FBXL17: variants seen among roughly 807,000 people sequenced by gnomAD.
The protein encoded by FBXL17 is F-box/LRR-repeat protein 17.
Under a neutral mutation model 66.2 loss-of-function variants are expected in FBXL17, and 22 were observed. That is an observed-to-expected ratio of 0.33 (90% confidence interval 0.24 to 0.47). The LOEUF is 0.47. Among genes scored for constraint, FBXL17 ranks in the 20% least tolerant of loss-of-function variants. FBXL17 has a pLI of 1.00. For missense variants in FBXL17, 878 were observed against 948.2 expected (o/e 0.93, Z 0.97); for synonymous variants, 474 against 400.5 (o/e 1.18, Z -2.19).
At chr5:108,346,649 T>C (rs954139233) in intron 4 of FBXL17, among the ~76,000 whole-genome samples, 2 of 152,140 alleles carry the variant, frequency 1.3e-5, no homozygotes, top group Non-Finnish European at 2.9e-5. Context: ...CAAATACAGT[T>C]GTGATGCCAT....
chr5:108,140,531 T>G (rs539068178), intron 6 of FBXL17, among the ~76,000 whole-genome samples: 22 of 152,302 alleles, frequency 1.4e-4, no homozygotes, highest in African/African-American at 5.3e-4. Context: ...TGATTCATCC[T>G]CTTCATTTTC....
intron 7 of FBXL17, among the ~76,000 whole-genome samples, chr5:107,916,707 C>T (rs1750145470): frequency 6.6e-6 from 1 of 152,158 alleles, no homozygotes; most frequent in South Asian, 2.1e-4. Flanking sequence ...TGTCCTACTT[C>T]CCATGGCTCC....
intron 4 of FBXL17, among the ~76,000 whole-genome samples, chr5:108,242,158 AG>A (rs1207412576): frequency 2.0e-5 from 3 of 152,252 alleles, no homozygotes; most frequent in Admixed American, 2.0e-4. Context: ...GTAAACTACT[AG>A]TATCTTAAGT....
intron 6 of FBXL17, among the ~76,000 whole-genome samples, chr5:108,135,679 C>T (rs1459843567): frequency 2.0e-5 from 3 of 152,118 alleles, no homozygotes; most frequent in Non-Finnish European, 2.9e-5. Flanking sequence ...GGTCTTTGTT[C>T]TAAAAGGTGA....
At chr5:108,053,715 G>C (rs901112957) in intron 6 of FBXL17, among the ~76,000 whole-genome samples, 1 of 152,156 alleles carries the variant, frequency 6.6e-6, no homozygotes, top group Non-Finnish European at 1.5e-5. Context: ...ATTCCTCAAG[G>C]ATCTAGAACC....
rs57269733 is a variant in FBXL17, at chr5:108,082,217, T to TAA, written c.1746-61218_1746-61217dup. ...AGAGGATTTATTAAATCCCCTCTGG[T>TAA]AAAAAAAAAAAAATGCTAATGCTGT... On this transcript the variant is annotated intron_variant, in intron 6 of 8. Transcript: ENST00000542267. Among the ~76,000 whole-genome samples, 205 of 146,004 alleles carry TAA rather than the reference T, an allele frequency of 1.4e-3. 1 individual carries two copies. Among genetic ancestry groups the TAA allele is most frequent in the African/African-American group, 2.1e-3 (84 of 39,848 alleles).
rs546454834 is a variant in FBXL17 at position 108,335,020 on chromosome 5, A to C, written c.1506+13379T>G. Among the ~76,000 whole-genome samples the C allele has an allele frequency of 6.6e-5, 10 of 152,344 alleles. No individual in the cohort carries two copies. In the East Asian group the frequency reaches 1.7e-3, roughly 26 times the overall value. ...ACTATTGGTGTGAGAATAAGGTAAA[A>C]TCAAAAATAAATTCCACTAGTCTTG... On this transcript the variant is annotated intron_variant, in intron 4 of 8. Transcript: ENST00000542267.
At chr5:108,196,556 A>C (rs1248128847) in intron 5 of FBXL17, among the ~76,000 whole-genome samples, 1 of 152,196 alleles carries the variant, frequency 6.6e-6, no homozygotes, top group Non-Finnish European at 1.5e-5. Flanking sequence ...TTGTGTCACC[A>C]GTGCTTAACA....
chr5:107,930,026 C>T (rs1243177695), intron 7 of FBXL17, among the ~76,000 whole-genome samples: 1 of 152,172 alleles, frequency 6.6e-6, no homozygotes, highest in Non-Finnish European at 1.5e-5. Flanking sequence ...TGTCACCCTT[C>T]CTCAGGCCAT....
chr5:107,971,597 T>C (rs555933616), intron 7 of FBXL17, among the ~76,000 whole-genome samples: 1 of 152,312 alleles, frequency 6.6e-6, no homozygotes, highest in East Asian at 1.9e-4. Context: ...CGTGGTGTGA[T>C]GATTTTGTCA....
intron 3 of FBXL17, among the ~76,000 whole-genome samples, chr5:108,357,110 G>A (rs1748050294): frequency 6.6e-6 from 1 of 152,042 alleles, no homozygotes; most frequent in South Asian, 2.1e-4. Flanking sequence ...GTTGTAAATT[G>A]AGAGAAAAAG....
chr5:107,890,580 C>T (rs1749165918), intron 7 of FBXL17, among the ~76,000 whole-genome samples: 1 of 151,564 alleles, frequency 6.6e-6, no homozygotes, highest in African/African-American at 2.4e-5. Context: ...GGGAGGACTG[C>T]TTGGGCCTGG....
intron 5 of FBXL17, among the ~76,000 whole-genome samples, chr5:108,207,496 C>T (rs942056276): frequency 3.3e-5 from 5 of 152,102 alleles, no homozygotes; most frequent in African/African-American, 1.2e-4. Context: ...CAGCCCCCAA[C>T]AGGCCCCGGA....
intron 6 of FBXL17, among the ~76,000 whole-genome samples, chr5:108,048,151 A>G (rs923126061): frequency 6.6e-6 from 1 of 152,206 alleles, no homozygotes. Flanking sequence ...ATGGGAGCAA[A>G]GCAGATGAAG....
intron 7 of FBXL17, among the ~76,000 whole-genome samples, chr5:107,918,457 G>C (rs1750205726): frequency 6.6e-6 from 1 of 152,146 alleles, no homozygotes; most frequent in African/African-American, 2.4e-5. Flanking sequence ...TATCCAAACA[G>C]CTTTTTCATA....
At chr5:108,262,862 T>C (rs1756895092) in intron 4 of FBXL17, among the ~76,000 whole-genome samples, 1 of 152,226 alleles carries the variant, frequency 6.6e-6, no homozygotes, top group Non-Finnish European at 1.5e-5. Flanking sequence ...AGGGAAAGCA[T>C]GTGATAACCA....
chr5:108,085,561 G>T (rs1033019975), intron 6 of FBXL17, among the ~76,000 whole-genome samples: 1 of 152,212 alleles, frequency 6.6e-6, no homozygotes, highest in African/African-American at 2.4e-5. Context: ...TCCGGACTGT[G>T]CCTGAACACT....
At chr5:107,878,446 G>A (rs1748679141) in intron 8 of FBXL17, 1 of 604,066 alleles carries the variant, frequency 1.7e-6, no homozygotes, top group African/African-American at 2.0e-5. Flanking sequence ...AATTCTACAA[G>A]ATAGGTACTA....
intron 8 of FBXL17, among the ~76,000 whole-genome samples, chr5:107,865,689 A>G (rs1748252125): frequency 1.3e-5 from 2 of 152,228 alleles, no homozygotes; most frequent in Admixed American, 1.3e-4. Context: ...TAGGAAACAA[A>G]GCAGTGGGGA....
Sources: allele counts gnomAD v4.1 joint callset (sites outside exome capture counted in the v4.1 genomes callset), GRCh38; gene constraint gnomAD v4.1.1; transcripts MANE v1.5; gene names NCBI Gene and HGNC (gene_info 2026-07-23, HGNC 2026-07-21).